The following NCAM2 variants were observed in gnomAD, a reference collection of about 807,000 sequenced individuals.
The protein encoded by NCAM2 is neural cell adhesion molecule 2, also known as N-CAM-2.
Under a neutral mutation model 98.1 loss-of-function variants are expected in NCAM2, and 30 were observed. The observed-to-expected ratio is 0.31, with a 90% confidence interval of 0.23 to 0.41. The LOEUF (loss-of-function observed/expected upper bound fraction) is 0.41, where lower values mean the gene tolerates loss of function less well. Among genes scored for constraint, NCAM2 ranks in the 10% least tolerant of loss-of-function variants. The pLI is 1.00. For missense variants in NCAM2, 867 were observed against 1,005.8 expected, an observed-to-expected ratio of 0.86 and a Z score of 1.87; for synonymous variants, 368 against 342.4, an observed-to-expected ratio of 1.07 and a Z score of -0.83.
At chr21:21,035,152 A>G (rs1158876147) in intron 1 of NCAM2, among the ~76,000 whole-genome samples, 3 of 152,164 alleles carry the variant, frequency 2.0e-5, no homozygotes, top group South Asian at 4.1e-4. Context: ...GACCAGGTTA[A>G]TCTTTCCAAA....
chr21:21,375,535 AACTT>A (rs1227051636), intron 9 of NCAM2, among the ~76,000 whole-genome samples: 2 of 151,758 alleles, frequency 1.3e-5, no homozygotes, highest in South Asian at 2.1e-4. Flanking sequence ...TGATGCCAAT[AACTT>A]ACTTAACCTT....
chr21:21,123,560 A>T (rs1256530372), intron 1 of NCAM2, among the ~76,000 whole-genome samples: 1 of 152,118 alleles, frequency 6.6e-6, no homozygotes, highest in African/African-American at 2.4e-5. Flanking sequence ...GGTTCCCGAG[A>T]TCAACCTGCA....
intron 3 of NCAM2, 94 bp downstream of exon 3, chr21:21,284,494 T>C: frequency 1.1e-6 from 1 of 910,440 alleles, no homozygotes; most frequent in Non-Finnish European, 1.7e-6. Flanking sequence ...TATTAAGAAC[T>C]ATGTGCTTTG....
At chr21:21,318,311 C>G (rs1427637768) in intron 5 of NCAM2, among the ~76,000 whole-genome samples, 3 of 152,272 alleles carry the variant, frequency 2.0e-5, no homozygotes, top group Non-Finnish European at 4.4e-5. Context: ...CTTGAGAGAT[C>G]TTCCATATTA....
chr21:21,203,334 A>C (rs1043373688), intron 1 of NCAM2, among the ~76,000 whole-genome samples: 1 of 152,152 alleles, frequency 6.6e-6, no homozygotes, highest in Non-Finnish European at 1.5e-5. Context: ...ATGCTCACAT[A>C]TTTCACCAAG....
At chr21:21,023,259 C>T (rs534387379) in intron 1 of NCAM2, among the ~76,000 whole-genome samples, 1 of 152,106 alleles carries the variant, frequency 6.6e-6, no homozygotes, top group Non-Finnish European at 1.5e-5. Flanking sequence ...TGCGGTGGCT[C>T]ACGCCTGTAA....
At chr21:21,299,620 C>A (rs1422371486) in intron 5 of NCAM2, among the ~76,000 whole-genome samples, 1 of 151,194 alleles carries the variant, frequency 6.6e-6, no homozygotes, top group African/African-American at 2.4e-5. Context: ...CCTTTTTAGC[C>A]AGACTGATTG....
chr21:21,346,222 A>C (rs1340393964), intron 8 of NCAM2, among the ~76,000 whole-genome samples: 1 of 151,758 alleles, frequency 6.6e-6, no homozygotes, highest in Non-Finnish European at 1.5e-5. Context: ...AAAAAAAAAA[A>C]AACAGGAGTC....
In NCAM2 at chr21:21,071,870, C is replaced by CCTATCTAT. The variant is rs35549924; in HGVS notation, c.55+73297_55+73304dup. On this transcript the variant is annotated intron_variant, in intron 1 of 17. Transcript: ENST00000400546. ...ACTGCCCAATTATTTGTCATGTCTG[C>CCTATCTAT]CTATCTATCTATCTATCTATCTATC... Among the ~76,000 whole-genome samples the CCTATCTAT allele has an allele frequency of 6.1e-3, 839 of 138,158 alleles. 6 individuals carry two copies. The highest frequency in any genetic ancestry group is 8.6e-3 in the South Asian group (37 of 4,296). The allele number at this position is 138,158 out of a possible 152,430, so 90.6% of individuals were successfully genotyped here. A position where few individuals can be genotyped will look rare whatever the true frequency, so the allele number is the denominator to read the frequency against.
At chr21:21,287,362 G>T (rs1045923686) in intron 4 of NCAM2, among the ~76,000 whole-genome samples, 1 of 151,858 alleles carries the variant, frequency 6.6e-6, no homozygotes, top group Admixed American at 6.6e-5. Flanking sequence ...TTTTAATTTT[G>T]AAAGAATTTT....
At chr21:21,396,436 A>G (rs929454401) in intron 9 of NCAM2, among the ~76,000 whole-genome samples, 1 of 152,142 alleles carries the variant, frequency 6.6e-6, no homozygotes, top group Non-Finnish European at 1.5e-5. Flanking sequence ...CTGTCATGGG[A>G]TCTTTACAGT....
intron 1 of NCAM2, among the ~76,000 whole-genome samples, chr21:21,079,676 C>T (rs1157845570): frequency 6.6e-6 from 1 of 151,902 alleles, no homozygotes; most frequent in Non-Finnish European, 1.5e-5. Context: ...TTGTTTCTGC[C>T]CCCTACCCAG....
chr21:21,494,804 A>G (rs1987101049), intron 15 of NCAM2, among the ~76,000 whole-genome samples: 1 of 152,044 alleles, frequency 6.6e-6, no homozygotes, highest in South Asian at 2.1e-4. Flanking sequence ...CAGTTGTACC[A>G]CATTTATTAA....
At chr21:21,491,358 C>G (rs990187544) in intron 15 of NCAM2, among the ~76,000 whole-genome samples, 1 of 151,588 alleles carries the variant, frequency 6.6e-6, no homozygotes, top group Non-Finnish European at 1.5e-5. Context: ...TAGCAAAAGT[C>G]CATAAAGGAA....
At chr21:21,338,675 AAC>A (rs2074945330) in intron 8 of NCAM2, 141 bp downstream of exon 8, 1 of 875,328 alleles carries the variant, frequency 1.1e-6, no homozygotes, top group East Asian at 2.9e-5. Context: ...AAAGGTAACT[AAC>A]ACAATGTCGG....
At chr21:21,356,016 C>T (rs1194365889) in intron 8 of NCAM2, among the ~76,000 whole-genome samples, 16 of 152,026 alleles carry the variant, frequency 1.1e-4, no homozygotes, top group Admixed American at 8.5e-4. Context: ...TTGCTGTTTC[C>T]GTAGTGTAGA....
chr21:21,065,158 C>T (rs1455710194), intron 1 of NCAM2, among the ~76,000 whole-genome samples: 2 of 151,572 alleles, frequency 1.3e-5, no homozygotes, highest in Non-Finnish European at 2.9e-5. Flanking sequence ...CCAGCCTGTG[C>T]GACAGAGTAA....
At chr21:21,207,150 A>G (rs2826734) in intron 1 of NCAM2, among the ~76,000 whole-genome samples, 78,849 of 151,976 alleles carry the variant, frequency 0.52, 20,629 homozygotes, top group South Asian at 0.63. Context: ...TTATGTAGTC[A>G]TAATTGTTTG....
At chr21:21,334,646 G>C (rs151281104) in intron 6 of NCAM2, among the ~76,000 whole-genome samples, 1 of 151,786 alleles carries the variant, frequency 6.6e-6, no homozygotes, top group African/African-American at 2.4e-5. Context: ...GAAGAGAAAA[G>C]AGGAAAAAAG....
Sources: allele counts gnomAD v4.1 joint callset (sites outside exome capture counted in the v4.1 genomes callset), GRCh38; gene constraint gnomAD v4.1.1; transcripts MANE v1.5; gene names NCBI Gene and HGNC (gene_info 2026-07-23, HGNC 2026-07-21).